The following NAV3 variants were observed in gnomAD, a reference collection of about 807,000 sequenced individuals.
NAV3 encodes pore membrane and/or filament interacting like protein 1.
A neutral mutation model predicts 244.7 loss-of-function variants in NAV3; 87 were observed. That is an observed-to-expected ratio of 0.36 (90% confidence interval 0.30 to 0.42). The LOEUF (loss-of-function observed/expected upper bound fraction) is 0.42, where lower values mean the gene tolerates loss of function less well. NAV3 is among the 20% of genes least tolerant of loss of function. The pLI is 1.00. For synonymous variants in NAV3, 1,126 were observed against 1,042.2 expected, an observed-to-expected ratio of 1.08 and a Z score of -1.55; for missense variants, 2,663 against 2,893.3, an observed-to-expected ratio of 0.92 and a Z score of 1.83.
chr12:77,583,981 G>T (rs545072613), intron 2 of NAV3, among the ~76,000 whole-genome samples: 2 of 152,174 alleles, frequency 1.3e-5, no homozygotes, highest in Admixed American at 1.3e-4. Flanking sequence ...CTTCTGCCTG[G>T]AATACTCATT....
chr12:78,043,401 T>A (rs1881220768), intron 9 of NAV3, among the ~76,000 whole-genome samples: 1 of 152,194 alleles, frequency 6.6e-6, no homozygotes, highest in African/African-American at 2.4e-5. Context: ...TACGTGTGCA[T>A]GTGTCTTTAT....
At chr12:77,657,148 C>T (rs918992905) in intron 2 of NAV3, among the ~76,000 whole-genome samples, 12 of 151,742 alleles carry the variant, frequency 7.9e-5, no homozygotes, top group Admixed American at 7.9e-4. Flanking sequence ...AAACCCTTCA[C>T]AAAATTAATG....
intron 1 of NAV3, among the ~76,000 whole-genome samples, chr12:77,914,272 A>G (rs1886908262): frequency 6.6e-6 from 1 of 152,080 alleles, no homozygotes; most frequent in Admixed American, 6.6e-5. Context: ...TCACTGTCAA[A>G]GGCTTCATTC....
chr12:78,022,270 A>T (rs976258933), intron 9 of NAV3, among the ~76,000 whole-genome samples: 1 of 152,040 alleles, frequency 6.6e-6, no homozygotes, highest in Non-Finnish European at 1.5e-5. Flanking sequence ...ATTCTAAAAA[A>T]CTCTGAAAAG....
intron 1 of NAV3, among the ~76,000 whole-genome samples, chr12:77,839,604 G>A (rs1417632622): frequency 6.6e-6 from 1 of 152,168 alleles, no homozygotes; most frequent in Non-Finnish European, 1.5e-5. Flanking sequence ...TAAACTATAT[G>A]TCAAAAGAGG....
intron 12 of NAV3, among the ~76,000 whole-genome samples, chr12:78,109,914 C>A (rs1166733827): frequency 6.6e-6 from 1 of 151,970 alleles, no homozygotes; most frequent in Non-Finnish European, 1.5e-5. Context: ...CTCACCACTC[C>A]TATCCACATA....
chr12:77,599,281 C>T (rs557184317), intron 2 of NAV3, among the ~76,000 whole-genome samples: 1 of 151,902 alleles, frequency 6.6e-6, no homozygotes, highest in African/African-American at 2.4e-5. Context: ...GATTATAATT[C>T]AGATGATCTT....
chr12:77,585,781 C>T (rs921818541), intron 2 of NAV3, among the ~76,000 whole-genome samples: 17 of 152,322 alleles, frequency 1.1e-4, no homozygotes, highest in African/African-American at 3.8e-4. Flanking sequence ...CTGGTCCAGC[C>T]TGGGGGTTGG....
intron 1 of NAV3, among the ~76,000 whole-genome samples, chr12:77,884,063 A>C (rs1882995132): frequency 6.6e-6 from 1 of 152,174 alleles, no homozygotes; most frequent in Admixed American, 6.6e-5. Context: ...CATTCAAGTA[A>C]AGGAAGAAAA....
At chr12:77,785,221 A>G (rs1423058744) in intron 2 of NAV3, among the ~76,000 whole-genome samples, 4 of 152,108 alleles carry the variant, frequency 2.6e-5, no homozygotes, top group African/African-American at 4.8e-5. Context: ...ATTAAGCATG[A>G]TATCACTTGT....
At chr12:77,716,992 G>A (rs1056649715) in intron 2 of NAV3, among the ~76,000 whole-genome samples, 1 of 151,996 alleles carries the variant, frequency 6.6e-6, no homozygotes, top group Non-Finnish European at 1.5e-5. Flanking sequence ...AAGAAAAGAT[G>A]TAAACCAATC....
chr12:77,901,176 G>GTATT, intron 1 of NAV3, among the ~76,000 whole-genome samples: 1 of 152,140 alleles, frequency 6.6e-6, no homozygotes, highest in South Asian at 2.1e-4. Context: ...TATAGATTGC[G>GTATT]TATTTACTCT....
At chr12:78,079,892 T>A (rs1953259869) in intron 12 of NAV3, among the ~76,000 whole-genome samples, 1 of 152,204 alleles carries the variant, frequency 6.6e-6, no homozygotes, top group Non-Finnish European at 1.5e-5. Context: ...CGTGTTTAAA[T>A]AATAATATGA....
intron 2 of NAV3, among the ~76,000 whole-genome samples, chr12:77,597,515 T>A (rs373513910): frequency 5.3e-5 from 8 of 152,116 alleles, no homozygotes; most frequent in South Asian, 2.1e-4. Flanking sequence ...TTTGCTAGCA[T>A]ATTAAGTATG....
intron 2 of NAV3, among the ~76,000 whole-genome samples, chr12:77,650,294 C>T (rs574058430): frequency 2.8e-4 from 43 of 152,102 alleles, no homozygotes; most frequent in East Asian, 5.8e-4. Context: ...GAGGTGCAAT[C>T]GGGGAAGTTA....
chr12:78,136,966 TG>T (rs1279420699), intron 18 of NAV3, among the ~76,000 whole-genome samples: 1 of 151,768 alleles, frequency 6.6e-6, no homozygotes, highest in Non-Finnish European at 1.5e-5. Context: ...TAGAAATTGA[TG>T]TAAGGCTTCC....
chr12:78,087,514 G>A (rs888662416), intron 12 of NAV3, among the ~76,000 whole-genome samples: 1 of 151,954 alleles, frequency 6.6e-6, no homozygotes, highest in Admixed American at 6.6e-5. Flanking sequence ...CAGAGATGAG[G>A]TCGTAACCTG....
intron 2 of NAV3, among the ~76,000 whole-genome samples, chr12:77,717,687 C>T (rs147852364): frequency 2.0e-5 from 3 of 151,894 alleles, no homozygotes; most frequent in African/African-American, 7.3e-5. Context: ...GTTTTCCATA[C>T]TGGCTGCATT....
intron 3 of NAV3, among the ~76,000 whole-genome samples, chr12:77,963,317 A>G (rs1892193137): frequency 6.6e-6 from 1 of 152,148 alleles, no homozygotes; most frequent in Non-Finnish European, 1.5e-5. Flanking sequence ...TCATTTTATC[A>G]TTAAAAAATC....
Sources: allele counts gnomAD v4.1 joint callset (sites outside exome capture counted in the v4.1 genomes callset), GRCh38; gene constraint gnomAD v4.1.1; transcripts MANE v1.5; gene names NCBI Gene and HGNC (gene_info 2026-07-23, HGNC 2026-07-21).